OR4A15: variants seen among roughly 807,000 people sequenced by gnomAD.
OR4A15 encodes the protein olfactory receptor family 4 subfamily A member 15.
For missense variants in OR4A15, 657 were observed against 374.7 expected, an observed-to-expected ratio of 1.75 and a Z score of -6.22; for synonymous variants, 240 against 135.6, an observed-to-expected ratio of 1.77 and a Z score of -5.35.
At chr11:55,368,651 G>C in exon 1 of OR4A15, 1 of 1,613,712 alleles carries the variant, frequency 6.2e-7, no homozygotes, top group South Asian at 1.1e-5. Flanking sequence ...TTAAGACTCA[G>C]AGTTTGGAAG....
At chr11:55,368,704 T>C in exon 1 of OR4A15, 1 of 1,613,670 alleles carries the variant, frequency 6.2e-7, no homozygotes. Flanking sequence ...CACGTCACTG[T>C]GGTCATTTTA....
At chr11:55,368,842 C>A (rs1300761035) in exon 1 of OR4A15, 1 of 1,612,762 alleles carries the variant, frequency 6.2e-7, no homozygotes, top group South Asian at 1.1e-5. Flanking sequence ...CTGAAGAATG[C>A]AGAAATGAAA....
exon 1 of OR4A15, chr11:55,368,451 T>C: frequency 6.2e-7 from 1 of 1,611,272 alleles, no homozygotes; most frequent in Non-Finnish European, 8.5e-7. Flanking sequence ...TCAATTTCTC[T>C]TTATTTATCA....
exon 1 of OR4A15, chr11:55,368,036 G>A: frequency 2.5e-6 from 4 of 1,613,526 alleles, no homozygotes; most frequent in Non-Finnish European, 3.4e-6. Context: ...ACCCTGAGGG[G>A]CAAAAGGTTT....
exon 1 of OR4A15, chr11:55,368,904 C>A (rs1355594760): frequency 6.3e-7 from 1 of 1,596,054 alleles, no homozygotes; most frequent in Non-Finnish European, 8.5e-7. Context: ...TGGGAAATGG[C>A]TGTATCACTC....
In OR4A15 at chr11:55,367,985, G is replaced by C. The variant is rs1452078594; in HGVS notation, c.12G>C (p.Lys4Asn). ...CTTCAGAAGAACACATGAAAAATAA[G>C]AACAATGTGACTGAATTTATCCTCT... is the stretch of plus-strand genomic sequence containing the variant. Residue 4 changes from lysine to asparagine, a missense_variant, in exon 1 of 1, where the codon AAG becomes AAC. Lys to Asn is a moderately conservative substitution (Grantham distance 94, BLOSUM62 0). Transcript: ENST00000641526. 1.9e-6 allele frequency: 3 copies of C among 1,613,322 alleles called. No homozygotes were observed. The Admixed American group carries it at 5.0e-5, about 27-fold the overall frequency.
exon 1 of OR4A15, chr11:55,368,110 C>A (rs2119934634): frequency 6.2e-7 from 1 of 1,612,924 alleles, no homozygotes; most frequent in Non-Finnish European, 8.5e-7. Context: ...ATCATAGTGA[C>A]CATCATGGCC....
At position 55,368,155 on chromosome 11, in the gene OR4A15, T is replaced by C. The variant is rs1853876952; in HGVS notation, c.182T>C (p.Leu61Pro). ...CTGGGTTCCCCCATGTACTTTTTTC[T>C]GGCTTCTTTATCATTCATAGATACC... Residue 61 changes from leucine (L) to proline (P), a missense_variant, in exon 1 of 1, where the codon CTG (leucine) becomes CCG (proline). By Grantham distance (98) the Leu-to-Pro change is moderately conservative (BLOSUM62 -3). Coordinates refer to ENST00000641526, the Ensembl canonical transcript of OR4A15. The C allele has an allele frequency of 6.8e-6, 11 of 1,612,898 alleles. No homozygotes were observed. Among genetic ancestry groups the C allele is most frequent in the Non-Finnish European group, 9.3e-6 (11 of 1,179,906 alleles).
chr11:55,368,123 C>A (rs2119934776), exon 1 of OR4A15: 1 of 1,612,818 alleles, frequency 6.2e-7, no homozygotes, highest in South Asian at 1.1e-5. Flanking sequence ...TCATGGCCAG[C>A]CAGTCCCTGG....
At position 55,368,897 on chromosome 11, in the gene OR4A15, G is replaced by GA; in HGVS notation, c.927dup (p.Trp310MetfsTer?). 6.2e-7 allele frequency: 1 copy of GA among 1,604,320 alleles called. No individual in the cohort carries two copies. The highest frequency in any genetic ancestry group is 1.1e-5 in the South Asian group (1 of 89,556). The stretch of plus-strand genomic sequence containing the variant: ...GGAGTAAAAAAGTAAGCTTAGCTGG[G>GA]AAATGGCTGTATCACTCATGAGAAT... On this transcript the variant is annotated frameshift_variant, in exon 1 of 1. Coordinates refer to ENST00000641526, the Ensembl canonical transcript of OR4A15. LOFTEE classifies it low-confidence loss of function (END_TRUNC).
chr11:55,368,802 A>G (rs141071031), exon 1 of OR4A15: 23 of 1,613,320 alleles, frequency 1.4e-5, no homozygotes, highest in Non-Finnish European at 7.6e-6. Context: ...AACTTTTATA[A>G]CTCCCATGCT....
exon 1 of OR4A15, chr11:55,368,267 A>G (rs774681296): frequency 3.1e-6 from 5 of 1,613,902 alleles, no homozygotes; most frequent in East Asian, 2.2e-5. Context: ...GTATGGCTCA[A>G]CTTTTTATGG....
exon 1 of OR4A15, chr11:55,368,433 T>A (rs781613440): frequency 8.7e-6 from 14 of 1,612,132 alleles, no homozygotes; most frequent in Non-Finnish European, 7.6e-6. Flanking sequence ...CTTTCTTCAC[T>A]CATTGGTTCA....
At chr11:55,368,179 C>T in exon 1 of OR4A15, 2 of 1,613,304 alleles carry the variant, frequency 1.2e-6, no homozygotes, top group Non-Finnish European at 1.7e-6. Flanking sequence ...TTCATAGATA[C>T]CGTCTATTCT....
At chr11:55,368,341 C>A in exon 1 of OR4A15, 1 of 1,612,252 alleles carries the variant, frequency 6.2e-7, no homozygotes, top group Admixed American at 1.7e-5. Context: ...CGATACATGG[C>A]CATCTGTAAG....
At chr11:55,368,712 T>G (rs763870249) in exon 1 of OR4A15, 1 of 1,613,768 alleles carries the variant, frequency 6.2e-7, no homozygotes, top group East Asian at 2.2e-5. Context: ...TGTGGTCATT[T>G]TATTCTTTGT....
At chr11:55,368,362 A>G (rs2119936054) in exon 1 of OR4A15, 1 of 1,612,854 alleles carries the variant, frequency 6.2e-7, no homozygotes, top group Non-Finnish European at 8.5e-7. Flanking sequence ...CCTCTTCATG[A>G]ATTGATCACC....
rs778461396 is a variant in OR4A15 at position 55,368,720 on chromosome 11, T to C, written c.747T>C (p.Phe249=). 6.8e-6 allele frequency: 11 copies of C among 1,613,710 alleles called. No homozygotes were observed. The South Asian group carries it at 1.2e-4, about 18-fold the overall frequency. ...ACGTCACTGTGGTCATTTTATTCTT[T>C]GTCCCCTGTATCTTCTTGTATGCAA... The change falls in exon 1 of 1, where the codon TTT becomes TTC. Residue 249 remains phenylalanine (F), a synonymous_variant. Coordinates refer to ENST00000641526, the Ensembl canonical transcript of OR4A15.
At chr11:55,368,412 T>C in exon 1 of OR4A15, 1 of 1,613,506 alleles carries the variant, frequency 6.2e-7, no homozygotes, top group Non-Finnish European at 8.5e-7. Flanking sequence ...GTTGGCGGCC[T>C]GGATTGGAGG....
Sources: gnomAD v4.1 joint callset for allele counts on GRCh38, gnomAD v4.1.1 for gene constraint, MANE v1.5 for transcripts, NCBI Gene and HGNC (gene_info 2026-07-23, HGNC 2026-07-21) for gene names.